The following ZNF385D variants were observed in gnomAD, a reference collection of about 807,000 sequenced individuals.
ZNF385D encodes zinc finger protein 659.
A neutral mutation model predicts 35.8 loss-of-function variants in ZNF385D; 15 were observed. The ratio of observed to expected loss-of-function variants is 0.42; its 90% confidence interval spans 0.28 to 0.64. The LOEUF (loss-of-function observed/expected upper bound fraction) is 0.64. Ranked by LOEUF, ZNF385D falls within the 30% of genes least tolerant of loss-of-function variation. ZNF385D has a pLI of 0.23. For missense variants in ZNF385D, 474 were observed against 494.6 expected, an observed-to-expected ratio of 0.96 and a Z score of 0.39; for synonymous variants, 212 against 186.8, an observed-to-expected ratio of 1.13 and a Z score of -1.10.
intron 3 of ZNF385D, among the ~76,000 whole-genome samples, chr3:22,077,689 G>C (rs1700534029): frequency 6.6e-6 from 1 of 151,986 alleles, no homozygotes; most frequent in Admixed American, 6.6e-5. Flanking sequence ...CCCTCATACA[G>C]AGATGCTTCT....
chr3:22,081,099 A>G (rs1406182096), intron 3 of ZNF385D, among the ~76,000 whole-genome samples: 1 of 152,240 alleles, frequency 6.6e-6, no homozygotes, highest in East Asian at 1.9e-4. Flanking sequence ...GTCAACAACC[A>G]TATCTTACAC....
At chr3:21,499,291 T>C (rs140382007) in intron 4 of ZNF385D, among the ~76,000 whole-genome samples, 1 of 152,142 alleles carries the variant, frequency 6.6e-6, no homozygotes, top group South Asian at 2.1e-4. Context: ...TGGAATACTA[T>C]GTAAACATTA....
At chr3:21,976,430 G>A (rs936995265) in intron 3 of ZNF385D, among the ~76,000 whole-genome samples, 1 of 152,086 alleles carries the variant, frequency 6.6e-6, no homozygotes, top group South Asian at 2.1e-4. Flanking sequence ...ATTTTGAATT[G>A]AAAAAATACA....
chr3:21,981,423 T>C (rs1466751263), intron 3 of ZNF385D, among the ~76,000 whole-genome samples: 2 of 152,172 alleles, frequency 1.3e-5, no homozygotes, highest in Non-Finnish European at 2.9e-5. Context: ...TATTTGTTTT[T>C]CTCTTGCGAA....
At chr3:22,031,014 T>C (rs773559984) in intron 3 of ZNF385D, among the ~76,000 whole-genome samples, 3 of 152,174 alleles carry the variant, frequency 2.0e-5, no homozygotes, top group Non-Finnish European at 4.4e-5. Context: ...GATTTCAAAG[T>C]CTCCTTTGAT....
intron 2 of ZNF385D, among the ~76,000 whole-genome samples, chr3:22,273,656 G>A (rs1259803098): frequency 6.6e-6 from 1 of 151,968 alleles, no homozygotes; most frequent in African/African-American, 2.4e-5. Flanking sequence ...TAAAATAAAT[G>A]TCTTAAAGAA....
chr3:22,350,031 G>T (rs940804940), intron 2 of ZNF385D, among the ~76,000 whole-genome samples: 2 of 152,120 alleles, frequency 1.3e-5, no homozygotes, highest in Non-Finnish European at 2.9e-5. Context: ...TGGTTTAATT[G>T]TTCAGAATAT....
intron 3 of ZNF385D, among the ~76,000 whole-genome samples, chr3:21,851,736 C>A (rs1696400289): frequency 6.6e-6 from 1 of 152,046 alleles, no homozygotes; most frequent in Non-Finnish European, 1.5e-5. Context: ...CACGTCCCCA[C>A]TGCATTTAAA....
chr3:22,310,915 C>T (rs932770343), intron 2 of ZNF385D, among the ~76,000 whole-genome samples: 8 of 151,280 alleles, frequency 5.3e-5, no homozygotes, highest in Non-Finnish European at 8.9e-5. Flanking sequence ...ATATTTGTTT[C>T]AGTGTTTAAT....
chr3:22,029,177 C>T (rs1231719989), intron 3 of ZNF385D, among the ~76,000 whole-genome samples: 3 of 152,166 alleles, frequency 2.0e-5, no homozygotes, highest in Admixed American at 6.5e-5. Flanking sequence ...CTTTGTGCTC[C>T]TCCTACCTTT....
rs905703023 is a variant in ZNF385D at position 21,785,167 on chromosome 3, C to G, written c.326-120139G>C. On this transcript the variant is annotated intron_variant, in intron 3 of 5. Coordinates refer to the ZNF385D transcript ENST00000494108. ...AATAATTTGCCCCCAAATCACGTAA[C>G]TATTAAGAGAGCAGCTAGAATGGAA... 5.3e-5 allele frequency among the ~76,000 whole-genome samples: 8 copies of G among 152,160 alleles called. 1 individual carries two copies. Among genetic ancestry groups the G allele is most frequent in the East Asian group, 1.9e-4 (1 of 5,168 alleles).
chr3:21,881,143 A>G (rs1223149074), intron 3 of ZNF385D, among the ~76,000 whole-genome samples: 2 of 151,904 alleles, frequency 1.3e-5, no homozygotes, highest in Admixed American at 6.6e-5. Context: ...AGCTAAGGTC[A>G]TTGATGAAGG....
Position 22,114,854 on chromosome 3 carries a change from A to C in ZNF385D, c.325+53963T>G, listed in dbSNP as rs1208417432. Among the ~76,000 whole-genome samples, 4 of 152,118 alleles carry C rather than the reference A, an allele frequency of 2.6e-5. No individual in the cohort carries two copies. In the East Asian group the frequency reaches 7.7e-4, roughly 29 times the overall value. ...CATGAGGACTTTTGTGAATGGGATTAAGACATTCATAAAAGAGCCTTTACA... is the reference window on the plus strand; with the variant it reads ...CATGAGGACTTTTGTGAATGGGATTCAGACATTCATAAAAGAGCCTTTACA... On this transcript the variant is annotated intron_variant, in intron 3 of 5. Coordinates refer to the ZNF385D transcript ENST00000494108.
chr3:21,808,982 C>G (rs1478700368), intron 3 of ZNF385D, among the ~76,000 whole-genome samples: 1 of 152,162 alleles, frequency 6.6e-6, no homozygotes, highest in Admixed American at 6.5e-5. Context: ...TTCTAAACAT[C>G]AATGGGTTGC....
At chr3:21,594,090 G>A (rs1457609301) in intron 2 of ZNF385D, among the ~76,000 whole-genome samples, 1 of 152,160 alleles carries the variant, frequency 6.6e-6, no homozygotes, top group Non-Finnish European at 1.5e-5. Flanking sequence ...AAGGCAAGAA[G>A]CAACTCTAGC....
chr3:21,729,970 T>C (rs536415432), intron 1 of ZNF385D, among the ~76,000 whole-genome samples: 32 of 152,344 alleles, frequency 2.1e-4, no homozygotes, highest in African/African-American at 7.5e-4. Context: ...CTTCACTCAC[T>C]TATCTTTTAA....
At chr3:22,118,938 G>A (rs962575769) in intron 3 of ZNF385D, among the ~76,000 whole-genome samples, 2 of 152,084 alleles carry the variant, frequency 1.3e-5, no homozygotes, top group East Asian at 3.9e-4. Flanking sequence ...CGACCAGACT[G>A]AAAAATTTTT....
chr3:21,713,332 ATCT>A (rs766264380), intron 1 of ZNF385D, among the ~76,000 whole-genome samples: 2 of 152,160 alleles, frequency 1.3e-5, no homozygotes, highest in Admixed American at 6.5e-5. Context: ...GTGCTCTGCA[ATCT>A]TCTTCAATGA....
chr3:21,686,992 G>T (rs2125331009), intron 1 of ZNF385D, among the ~76,000 whole-genome samples: 1 of 152,254 alleles, frequency 6.6e-6, no homozygotes, highest in Admixed American at 6.5e-5. Context: ...TTGACCAGTG[G>T]AATGTGGCAT....
Sources: allele counts gnomAD v4.1 joint callset (sites outside exome capture counted in the v4.1 genomes callset), GRCh38; gene constraint gnomAD v4.1.1; transcripts MANE v1.5; gene names NCBI Gene and HGNC (gene_info 2026-07-23, HGNC 2026-07-21).